STS: variants seen among roughly 807,000 people sequenced by gnomAD.
STS encodes the protein steroid sulfatase, also known as steryl-sulfatase.
STS carries 7 observed loss-of-function variants against 26.8 expected under a neutral mutation model. That is an observed-to-expected ratio of 0.26 (90% confidence interval 0.15 to 0.49). STS has a LOEUF of 0.49. Ranked by LOEUF, STS falls within the 20% of genes least tolerant of loss-of-function variation. The pLI, the probability that STS is intolerant of heterozygous loss-of-function variation, is 0.98. For missense variants in STS, 434 were observed against 465.6 expected (o/e 0.93, Z 0.63); for synonymous variants, 199 against 189.4 (o/e 1.05, Z -0.42).
chrX:7,277,851 C>G (rs184144438), intron 7 of STS, among the ~76,000 whole-genome samples: 1 of 111,919 alleles, frequency 8.9e-6, no homozygotes, highest in Non-Finnish European at 1.9e-5. Context: ...TTATATTTTT[C>G]GCATCTTAGT....
intron 8 of STS, among the ~76,000 whole-genome samples, chrX:7,318,328 A>T (rs1926811288): frequency 9.0e-6 from 1 of 110,880 alleles, no homozygotes; most frequent in Non-Finnish European, 1.9e-5. Flanking sequence ...CATTTGGCGC[A>T]TCTCGCTTTC....
At chrX:7,152,143 G>A (rs978767805) in intron 1 of STS, among the ~76,000 whole-genome samples, 17 of 109,123 alleles carry the variant, frequency 1.6e-4, no homozygotes, top group Admixed American at 6.8e-4. Context: ...TAGTAGAGAC[G>A]GGGTTTCACC....
intron 2 of STS, among the ~76,000 whole-genome samples, chrX:7,202,665 T>C (rs1394603882): frequency 9.0e-6 from 1 of 111,379 alleles, no homozygotes; most frequent in Non-Finnish European, 1.9e-5. Context: ...AGGTGTCAAA[T>C]TGACTGGATT....
At chrX:7,208,986 G>A (rs1920971993) in intron 2 of STS, among the ~76,000 whole-genome samples, 1 of 111,379 alleles carries the variant, frequency 9.0e-6, no homozygotes, top group Non-Finnish European at 1.9e-5. Context: ...TTCTTAGAGG[G>A]GCCTTTGTGA....
chrX:7,148,244 G>T (rs1932927426), intron 1 of STS, 161 bp downstream of exon 1: 1 of 337,480 alleles, frequency 3.0e-6, no homozygotes, highest in East Asian at 5.5e-5. Context: ...GCGGCCCCTC[G>T]CCCGGCTCCG....
chrX:7,186,481 T>C (rs1200484012), intron 1 of STS, among the ~76,000 whole-genome samples: 6 of 111,274 alleles, frequency 5.4e-5, no homozygotes, highest in African/African-American at 2.0e-4. Flanking sequence ...GGTGGTCATG[T>C]TGAACTGGTG....
chrX:7,284,864 T>C (rs1925048044), intron 7 of STS, among the ~76,000 whole-genome samples: 1 of 112,169 alleles, frequency 8.9e-6, no homozygotes, highest in South Asian at 3.7e-4. Flanking sequence ...AATTCACTAC[T>C]GTCTGGCATT....
rs148737745 is a variant in STS, at chrX:7,327,654, G to A, written c.1241+2156G>A. On this transcript the variant is annotated intron_variant, in intron 9 of 10. Coordinates refer to ENST00000674429, the MANE Select transcript of STS (RefSeq NM_001320752.2). ...CCTGCCTCGACCTCCCAAAGTGCTG[G>A]GATTACAGGCTTGAGCCACTGAGCC... 5.0e-3 allele frequency among the ~76,000 whole-genome samples: 556 copies of A among 111,090 alleles called. 4 individuals are homozygous for A. The highest frequency in any genetic ancestry group is 0.017 in the African/African-American group (520 of 30,525).
At chrX:7,338,725 C>T (rs185366107) in intron 10 of STS, among the ~76,000 whole-genome samples, 1 of 111,786 alleles carries the variant, frequency 8.9e-6, no homozygotes, top group African/African-American at 3.2e-5. Context: ...AATGACAATA[C>T]TAGGAACATT....
chrX:7,219,481 C>T (rs1193797579), intron 2 of STS: 2 of 1,117,531 alleles, frequency 1.8e-6, no homozygotes, highest in Non-Finnish European at 2.4e-6. Flanking sequence ...AAGCCTCCAG[C>T]AGCTGACGGG....
chrX:7,253,616 A>G (rs758853930), intron 3 of STS, among the ~76,000 whole-genome samples: 1 of 111,893 alleles, frequency 8.9e-6, no homozygotes, highest in Non-Finnish European at 1.9e-5. Context: ...GCTGCTTTCC[A>G]CACATTCACA....
At chrX:7,166,010 T>C (rs1354627688) in intron 1 of STS, among the ~76,000 whole-genome samples, 11 of 108,913 alleles carry the variant, frequency 1.0e-4, no homozygotes, top group Non-Finnish European at 2.1e-4. Context: ...GTCTTTTTTT[T>C]TTTTTTTTTT....
intron 2 of STS, among the ~76,000 whole-genome samples, chrX:7,236,406 T>C (rs1390337508): frequency 8.9e-6 from 1 of 112,388 alleles, no homozygotes; most frequent in Admixed American, 9.5e-5. Flanking sequence ...ATGGTAATTT[T>C]ACTAAATAAT....
At chrX:7,336,941 C>T (rs191704289) in intron 10 of STS, among the ~76,000 whole-genome samples, 1 of 111,402 alleles carries the variant, frequency 9.0e-6, no homozygotes, top group East Asian at 2.8e-4. Context: ...AAAAACAAGA[C>T]CCAGTTTCTG....
chrX:7,263,757 G>T (rs371444704), intron 6 of STS, among the ~76,000 whole-genome samples: 1 of 110,873 alleles, frequency 9.0e-6, no homozygotes, highest in Admixed American at 9.6e-5. Flanking sequence ...GTTGTGTTGC[G>T]TTTGTGTGTG....
chrX:7,343,983 G>A (rs1381985934), intron 10 of STS, among the ~76,000 whole-genome samples: 1 of 111,997 alleles, frequency 8.9e-6, no homozygotes, highest in Non-Finnish European at 1.9e-5. Flanking sequence ...TGCCTTTCCT[G>A]TCCTTTAGAG....
intron 2 of STS, among the ~76,000 whole-genome samples, chrX:7,220,735 G>A (rs1384110934): frequency 9.2e-6 from 1 of 108,573 alleles, no homozygotes; most frequent in Non-Finnish European, 1.9e-5. Flanking sequence ...ATTTTTAGTA[G>A]AGACGGGGTT....
At chrX:7,329,055 C>A (rs1252426803) in intron 9 of STS, among the ~76,000 whole-genome samples, 4 of 111,895 alleles carry the variant, frequency 3.6e-5, no homozygotes, top group Non-Finnish European at 5.6e-5. Flanking sequence ...GCTCCTGGTA[C>A]TAGTCCAGCT....
At chrX:7,207,183 C>G (rs1920956688) in intron 2 of STS, among the ~76,000 whole-genome samples, 1 of 111,534 alleles carries the variant, frequency 9.0e-6, no homozygotes, top group South Asian at 3.7e-4. Flanking sequence ...GAGTGGCACC[C>G]TGTCTTTAAA....
Sources: gnomAD v4.1 joint callset for allele counts (sites outside exome capture counted in the v4.1 genomes callset) on GRCh38, gnomAD v4.1.1 for gene constraint, MANE v1.5 for transcripts, NCBI Gene and HGNC (gene_info 2026-07-23, HGNC 2026-07-21) for gene names.